The following SLC25A26 variants were observed in gnomAD, a reference collection of about 807,000 sequenced individuals.
SLC25A26 encodes the protein mitochondrial S-adenosylmethionine carrier protein.
A neutral mutation model predicts 37.8 loss-of-function variants in SLC25A26; 36 were observed. The observed-to-expected ratio is 0.95, with a 90% CI of 0.73 to 1.26. The LOEUF is 1.26. Ranked by LOEUF, SLC25A26 falls within the 50% of genes most tolerant of loss-of-function variation. The probability of loss-of-function intolerance (pLI) is 0.00; values close to 1 mark genes in which losing one functional copy is unlikely to be tolerated. For missense variants in SLC25A26, 390 were observed against 331.1 expected, an observed-to-expected ratio of 1.18 and a Z score of -1.38; for synonymous variants, 129 against 122.5, an observed-to-expected ratio of 1.05 and a Z score of -0.35.
chr3:66,228,564 G>A (rs1230623685), intron 1 of SLC25A26, among the ~76,000 whole-genome samples: 1 of 152,130 alleles, frequency 6.6e-6, no homozygotes, highest in East Asian at 1.9e-4. Flanking sequence ...ACATTTGTTG[G>A]CCTTTGCTGT....
chr3:66,201,474 T>C (rs912435263), intron 1 of SLC25A26, among the ~76,000 whole-genome samples: 1 of 152,040 alleles, frequency 6.6e-6, no homozygotes, highest in African/African-American at 2.4e-5. Context: ...GCTGTGACTA[T>C]GGGCACGTGC....
intron 5 of SLC25A26, among the ~76,000 whole-genome samples, chr3:66,283,803 T>G (rs2074421818): frequency 6.6e-6 from 1 of 152,238 alleles, no homozygotes; most frequent in African/African-American, 2.4e-5. Context: ...CACATATTTA[T>G]GAGAGAGAAA....
intron 1 of SLC25A26, among the ~76,000 whole-genome samples, chr3:66,160,029 G>A (rs1238253887): frequency 6.6e-6 from 1 of 151,984 alleles, no homozygotes; most frequent in African/African-American, 2.4e-5. Flanking sequence ...TTTTGGGACA[G>A]TCTTGCTCTG....
At chr3:66,251,918 G>A (rs1382551497) in intron 3 of SLC25A26, among the ~76,000 whole-genome samples, 1 of 152,176 alleles carries the variant, frequency 6.6e-6, no homozygotes, top group Admixed American at 6.5e-5. Context: ...TGGACAAAAA[G>A]GAAGGGAAGC....
At chr3:66,311,796 G>A (rs1015880946) in intron 5 of SLC25A26, among the ~76,000 whole-genome samples, 2 of 152,140 alleles carry the variant, frequency 1.3e-5, no homozygotes, top group East Asian at 3.9e-4. Flanking sequence ...TTCAGACCCT[G>A]TGTGCCTGGG....
intron 1 of SLC25A26, among the ~76,000 whole-genome samples, chr3:66,197,147 T>G (rs1161085100): frequency 6.6e-6 from 1 of 152,190 alleles, no homozygotes; most frequent in Non-Finnish European, 1.5e-5. Flanking sequence ...GTAAGAAGGC[T>G]GAGCTGGTTT....
chr3:66,374,231 G>C (rs1483258214), intron 9 of SLC25A26, among the ~76,000 whole-genome samples: 1 of 152,194 alleles, frequency 6.6e-6, no homozygotes, highest in Non-Finnish European at 1.5e-5. Context: ...CCTGCGTTGA[G>C]CGAGTCTTGC....
intron 1 of SLC25A26, among the ~76,000 whole-genome samples, chr3:66,185,267 G>T (rs1370599449): frequency 6.6e-6 from 1 of 152,192 alleles, no homozygotes; most frequent in Non-Finnish European, 1.5e-5. Context: ...ATTCATCCAT[G>T]TAGTAGCATG....
At chr3:66,150,546 A>T (rs1356430666) in intron 1 of SLC25A26, among the ~76,000 whole-genome samples, 18 of 125,496 alleles carry the variant, frequency 1.4e-4, no homozygotes, top group Admixed American at 4.3e-4. Flanking sequence ...TATATATATA[A>T]AATATATATA....
intron 1 of SLC25A26, among the ~76,000 whole-genome samples, chr3:66,174,507 G>A (rs36158181): frequency 0.044 from 6,660 of 152,308 alleles, 238 homozygotes; most frequent in Middle Eastern, 0.068. Flanking sequence ...GAGGCTAGGC[G>A]TGGTGGCTCA....
chr3:66,278,529 A>G (rs1244665293), intron 5 of SLC25A26, among the ~76,000 whole-genome samples: 2 of 152,094 alleles, frequency 1.3e-5, no homozygotes, highest in African/African-American at 4.8e-5. Context: ...TGTCTGTTTT[A>G]AAATTTGTCA....
chr3:66,221,265 G>A lies in SLC25A26; in HGVS notation c.33+138G>A. ...GGTTACTGGCAGCCAGGTCTGAGAG[G>A]GAGCACGAGGCTCCCAGGCCACCGG... On this transcript the variant is annotated intron_variant, in intron 1 of 9. Transcript: ENST00000354883. 3.2e-6 allele frequency: 3 copies of A among 943,832 alleles called. No individual in the cohort carries two copies. In the Admixed American group the frequency reaches 1.1e-4, roughly 33 times the overall value. The allele number at this position is 943,832 out of a possible 1,614,324, so 58.5% of individuals were successfully genotyped here. A position where few individuals can be genotyped will look rare whatever the true frequency, so the allele number is the denominator to read the frequency against.
chr3:66,374,360 G>A (rs541650438), intron 9 of SLC25A26, among the ~76,000 whole-genome samples: 2 of 152,148 alleles, frequency 1.3e-5, no homozygotes, highest in South Asian at 2.1e-4. Flanking sequence ...AGCCGTCTTC[G>A]ATGTTACTGT....
Position 66,242,151 on chromosome 3 carries a change from A to G in SLC25A26, c.191-1052A>G, listed in dbSNP as rs528437551. 1.5e-3 allele frequency among the ~76,000 whole-genome samples: 229 copies of G among 152,332 alleles called. 2 individuals are homozygous for G. The highest frequency in any genetic ancestry group is 2.9e-3 in the Admixed American group (45 of 15,302). On this transcript the variant is annotated intron_variant, in intron 2 of 9. Coordinates refer to ENST00000354883, the MANE Select transcript of SLC25A26 (RefSeq NM_001379210.1). ...TCAGATGAAGTTGAGGTGGTTAACC[A>G]TGAAATGGAGGAAGTTTTACCACTG...
intron 1 of SLC25A26, among the ~76,000 whole-genome samples, chr3:66,233,479 G>C (rs571181592): frequency 6.7e-6 from 1 of 150,364 alleles, no homozygotes; most frequent in African/African-American, 2.5e-5. Context: ...CTTTCTGATA[G>C]ATGATTATAG....
chr3:66,341,950 G>A (rs1159974203), intron 5 of SLC25A26, among the ~76,000 whole-genome samples: 1 of 151,956 alleles, frequency 6.6e-6, no homozygotes, highest in Non-Finnish European at 1.5e-5. Flanking sequence ...TTATCACTAT[G>A]GGACAAGGAA....
At chr3:66,233,799 A>G (rs980340007) in intron 1 of SLC25A26, among the ~76,000 whole-genome samples, 1 of 152,170 alleles carries the variant, frequency 6.6e-6, no homozygotes, top group Non-Finnish European at 1.5e-5. Context: ...GTTTTACCAG[A>G]CAAGTAAATT....
At chr3:66,165,883 A>T (rs2070418612) in intron 1 of SLC25A26, among the ~76,000 whole-genome samples, 1 of 152,096 alleles carries the variant, frequency 6.6e-6, no homozygotes, top group Non-Finnish European at 1.5e-5. Flanking sequence ...GTGGTAATTC[A>T]GGACCAAGGA....
At chr3:66,319,744 CTT>C (rs71105981) in intron 5 of SLC25A26, among the ~76,000 whole-genome samples, 223 of 92,060 alleles carry the variant, frequency 2.4e-3, no homozygotes, top group African/African-American at 0.01. Flanking sequence ...GCAATTAAAT[CTT>C]TTTTTTTTTT....
Sources: gnomAD v4.1 joint callset for allele counts (sites outside exome capture counted in the v4.1 genomes callset) on GRCh38, gnomAD v4.1.1 for gene constraint, MANE v1.5 for transcripts, NCBI Gene and HGNC (gene_info 2026-07-23, HGNC 2026-07-21) for gene names.